The following NDST3 variants were observed in gnomAD, a reference collection of about 807,000 sequenced individuals.
NDST3 encodes N-deacetylase and N-sulfotransferase 3, also known as bifunctional heparan sulfate N-deacetylase/N-sulfotransferase 3.
In NDST3, 58 loss-of-function variants were observed where a neutral mutation model predicts 96.1. That is an observed-to-expected ratio of 0.60 (90% CI 0.49 to 0.75). The LOEUF (loss-of-function observed/expected upper bound fraction) is 0.75, where lower values mean the gene tolerates loss of function less well. NDST3 is among the 30% of genes least tolerant of loss of function. The probability of loss-of-function intolerance (pLI) is 0.00; values close to 1 mark genes in which losing one functional copy is unlikely to be tolerated. For synonymous variants in NDST3, 333 were observed against 359.7 expected, an observed-to-expected ratio of 0.93 and a Z score of 0.84; for missense variants, 788 against 1,034.2, an observed-to-expected ratio of 0.76 and a Z score of 3.27.
intron 6 of NDST3, among the ~76,000 whole-genome samples, chr4:118,152,828 G>T (rs1229419437): frequency 1.3e-5 from 2 of 152,136 alleles, no homozygotes; most frequent in East Asian, 1.9e-4. Context: ...TCCATATCAA[G>T]ATTCAGCTCC....
At chr4:118,219,796 A>C (rs1044784869) in intron 6 of NDST3, among the ~76,000 whole-genome samples, 2 of 152,114 alleles carry the variant, frequency 1.3e-5, no homozygotes, top group East Asian at 1.9e-4. Flanking sequence ...CACTACAAGG[A>C]ATTTAAACAA....
At chr4:118,090,804 G>T (rs1383270497) in intron 2 of NDST3, among the ~76,000 whole-genome samples, 2 of 151,798 alleles carry the variant, frequency 1.3e-5, no homozygotes, top group Non-Finnish European at 1.5e-5. Flanking sequence ...GGCTTCTTTA[G>T]TCTAGCAGAA....
chr4:118,233,058 T>C lies in NDST3; in HGVS notation c.1866T>C (p.Leu622=), dbSNP rs763304407. The change falls in exon 9 of 14, where the codon CTT becomes CTC. Residue 622 remains leucine (L), a synonymous_variant. Coordinates refer to ENST00000296499, the MANE Select transcript of NDST3 (RefSeq NM_004784.3). ...YLFLVMHPSI[L]SNSPSPKTFE... is the part of the protein sequence containing the mutation. ...TCCTGGTTATGCATCCTTCCATCCT[T>C]AGTAACTCCCCCAGCCCAAAAACCT... The C allele has an allele frequency of 4.3e-6, 7 of 1,613,020 alleles. No individual in the cohort carries two copies. In the Admixed American group the frequency reaches 1.0e-4, roughly 23 times the overall value.
At chr4:118,209,425 T>C (rs1392710779) in intron 6 of NDST3, among the ~76,000 whole-genome samples, 1 of 152,152 alleles carries the variant, frequency 6.6e-6, no homozygotes, top group Non-Finnish European at 1.5e-5. Flanking sequence ...AGATACACAA[T>C]TCAAAATTAA....
intron 1 of NDST3, among the ~76,000 whole-genome samples, chr4:118,041,879 C>T (rs1416626370): frequency 6.6e-6 from 1 of 152,050 alleles, no homozygotes; most frequent in African/African-American, 2.4e-5. Context: ...AAATTTCAGT[C>T]TAACAAGGAA....
At chr4:118,033,465 G>A (rs907554335), upstream of NDST3, among the ~76,000 whole-genome samples, 18 of 152,160 alleles carry the variant, frequency 1.2e-4, no homozygotes, top group Middle Eastern at 3.4e-3. Flanking sequence ...TCCTTGTCGA[G>A]GCCCGGGCAG....
chr4:118,194,787 G>A (rs888896988), intron 6 of NDST3: 34 of 418,076 alleles, frequency 8.1e-5, no homozygotes, highest in African/African-American at 1.6e-4. Flanking sequence ...AGCTGGCACC[G>A]GCACCAGCAT....
At chr4:118,176,013 GC>G (rs1377881065) in intron 6 of NDST3, among the ~76,000 whole-genome samples, 2 of 151,782 alleles carry the variant, frequency 1.3e-5, no homozygotes, top group Non-Finnish European at 2.9e-5. Flanking sequence ...CTCCAAAGTG[GC>G]AAAAAATGCA....
intron 3 of NDST3, among the ~76,000 whole-genome samples, chr4:118,106,865 T>A (rs1032115458): frequency 1.3e-5 from 2 of 151,852 alleles, no homozygotes; most frequent in East Asian, 3.9e-4. Flanking sequence ...CCGAGGCGGG[T>A]GGATCGCGAG....
intron 6 of NDST3, among the ~76,000 whole-genome samples, chr4:118,171,327 A>G (rs898756005): frequency 6.6e-6 from 1 of 152,062 alleles, no homozygotes; most frequent in Non-Finnish European, 1.5e-5. Flanking sequence ...TCCCAGTTAC[A>G]CTCAAATTGG....
rs76778196 is a variant in NDST3, at chr4:118,146,712, G to A, written c.1539+3028G>A. ...ACTGTCTGGGGAAGAGAAAACTTTG[G>A]TCATCTCTAAATGAGCTTTTCCAAT... On this transcript the variant is annotated intron_variant, in intron 6 of 13. Coordinates refer to ENST00000296499, the MANE Select transcript of NDST3 (RefSeq NM_004784.3). 5.5e-3 allele frequency among the ~76,000 whole-genome samples: 844 copies of A among 152,302 alleles called. 9 individuals are homozygous for A. Among genetic ancestry groups the A allele is most frequent in the African/African-American group, 0.019 (809 of 41,574 alleles).
intron 6 of NDST3, among the ~76,000 whole-genome samples, chr4:118,224,031 T>C (rs1739712951): frequency 6.6e-6 from 1 of 152,166 alleles, no homozygotes; most frequent in Non-Finnish European, 1.5e-5. Context: ...GTGATTGTCT[T>C]TCAATGCATG....
intron 6 of NDST3, among the ~76,000 whole-genome samples, chr4:118,196,240 G>C (rs1238024919): frequency 2.0e-5 from 3 of 152,034 alleles, no homozygotes; most frequent in Non-Finnish European, 4.4e-5. Flanking sequence ...TAGTGAATTT[G>C]GTTTGCTAAT....
chr4:118,035,792 C>A (rs1191717993), intron 1 of NDST3, among the ~76,000 whole-genome samples: 3 of 151,500 alleles, frequency 2.0e-5, no homozygotes, highest in Non-Finnish European at 2.9e-5. Flanking sequence ...AGATTTGTTT[C>A]TTTGTGTAAA....
At position 118,242,054 on chromosome 4, in the gene NDST3, T is replaced by A; in HGVS notation, c.2304T>A (p.Asp768Glu). 6.2e-7 allele frequency: 1 copy of A among 1,609,346 alleles called. No individual in the cohort carries two copies. Reference sequence around the variant, plus strand: ...TGATAATTTAGTTGCTAATTATTGATGGGCAACAACTAAGAACTGATCCTG... The same window carrying A: ...TGATAATTTAGTTGCTAATTATTGAAGGGCAACAACTAAGAACTGATCCTG... ...YFPPFQLLII[D>E]GQQLRTDPAT... Residue 768 changes from aspartate (D) to glutamate (E), a missense_variant, in exon 12 of 14, where the codon GAT becomes GAA. Asp to Glu is a conservative substitution (Grantham distance 45, BLOSUM62 2). Coordinates refer to ENST00000296499, the MANE Select transcript of NDST3 (RefSeq NM_004784.3).
intron 5 of NDST3, 80 bp downstream of exon 5, chr4:118,138,319 T>TGTTA (rs1733293027): frequency 1.6e-6 from 2 of 1,267,656 alleles, no homozygotes; most frequent in Non-Finnish European, 2.2e-6. Context: ...AAAACACAAA[T>TGTTA]GTTAGCAGCA....
intron 12 of NDST3, among the ~76,000 whole-genome samples, chr4:118,246,798 T>A (rs545153394): frequency 2.0e-5 from 3 of 151,926 alleles, no homozygotes; most frequent in Admixed American, 6.6e-5. Context: ...GAACTTACTA[T>A]CACAAGAGAA....
chr4:118,216,186 C>T (rs1189203984), intron 6 of NDST3, among the ~76,000 whole-genome samples: 1 of 152,010 alleles, frequency 6.6e-6, no homozygotes, highest in Non-Finnish European at 1.5e-5. Flanking sequence ...TGAGGGTAAT[C>T]GTAGCAGAGA....
chr4:118,110,737 GA>G (rs1051893443), intron 3 of NDST3, among the ~76,000 whole-genome samples: 1 of 152,110 alleles, frequency 6.6e-6, no homozygotes, highest in African/African-American at 2.4e-5. Flanking sequence ...TAACACTGTA[GA>G]AAAGAGTTTG....
Sources: allele counts gnomAD v4.1 joint callset (sites outside exome capture counted in the v4.1 genomes callset), GRCh38; gene constraint gnomAD v4.1.1; transcripts MANE v1.5; gene names NCBI Gene and HGNC (gene_info 2026-07-23, HGNC 2026-07-21).